The following SOWAHA variants were observed in gnomAD, a reference collection of about 807,000 sequenced individuals.
The protein encoded by SOWAHA is sosondowah ankyrin repeat domain family member A, also known as ankyrin repeat domain-containing protein SOWAHA.
SOWAHA carries 17 observed loss-of-function variants against 21.1 expected under a neutral mutation model. The observed-to-expected ratio is 0.80, with a 90% confidence interval of 0.55 to 1.21. The LOEUF (loss-of-function observed/expected upper bound fraction) is 1.21, where lower values mean the gene tolerates loss of function less well. Among genes scored for constraint, SOWAHA ranks in the 50% most tolerant of loss-of-function variants. The probability of loss-of-function intolerance (pLI) is 0.00; values close to 1 mark genes in which losing one functional copy is unlikely to be tolerated. For missense variants in SOWAHA, 862 were observed against 816.0 expected (o/e 1.06, Z -0.69); for synonymous variants, 422 against 397.1 (o/e 1.06, Z -0.75).
In SOWAHA at chr5:132,813,881, A is replaced by G; in HGVS notation, c.260A>G (p.Glu87Gly). The change falls in exon 1 of 1, where the codon GAG (glutamate) becomes GGG (glycine). Residue 87 changes from glutamate (E) to glycine (G), a missense_variant. Physicochemically the swap from Glu to Gly is moderately conservative, Grantham distance 98. Transcript: ENST00000378693. The stretch of plus-strand genomic sequence containing the variant: ...CTGAGGAAGAAGCCCCGGCCCCCGG[A>G]GCCCGAGCCCGCACCCTTCGGCCCC... ...VVLRKKPRPP[E>G]PEPAPFGPPG... 6.5e-7 allele frequency: 1 copy of G among 1,547,988 alleles called. No individual in the cohort carries two copies. The highest frequency in any genetic ancestry group is 8.7e-7 in the Non-Finnish European group (1 of 1,145,958).
At position 132,816,410 on chromosome 5, in the gene SOWAHA, A is replaced by G. The variant is rs1758385727; in HGVS notation, c.*1139A>G. On this transcript the variant is annotated 3_prime_UTR_variant, in exon 1 of 1. Coordinates refer to ENST00000378693, the MANE Select transcript of SOWAHA (RefSeq NM_175873.6). ...TTGAAAGTAGACAACTTATTCCAAA[A>G]TAGCAAATGCAGAATCTCTGCTCAG... The G allele has an allele frequency of 6.0e-6, 1 of 167,134 alleles. No individual in the cohort carries two copies. The highest frequency in any genetic ancestry group is 2.4e-5 in the African/African-American group (1 of 41,480). The allele number at this position is 167,134 out of a possible 1,614,324, so 10.4% of individuals were successfully genotyped here.
chr5:132,814,746 A>C lies in SOWAHA; in HGVS notation c.1125A>C (p.Pro375=). 1 of 1,527,876 alleles carries C rather than the reference A, an allele frequency of 6.5e-7. No homozygotes were observed. The highest frequency in any genetic ancestry group is 8.8e-7 in the Non-Finnish European group (1 of 1,142,340). 94.6% of individuals were successfully genotyped at this position (1,527,876 alleles called of 1,614,324 possible). Residue 375 remains proline, a synonymous_variant, in exon 1 of 1, where the codon CCA becomes CCC. Coordinates refer to ENST00000378693, the MANE Select transcript of SOWAHA (RefSeq NM_175873.6). The stretch of plus-strand genomic sequence containing the variant: ...AGGTCGCGCGGCGCAGTGGCGCACC[A>C]GTCGACGTGAACGCACGCTCCCACG... ...LVEVARRSGA[P]VDVNARSHGG...
At position 132,815,375 on chromosome 5, in the gene SOWAHA, T is replaced by C; in HGVS notation, c.*104T>C. The C allele has an allele frequency of 9.1e-7, 1 of 1,103,110 alleles. No homozygotes were observed. Among genetic ancestry groups the C allele is most frequent in the Non-Finnish European group, 1.3e-6 (1 of 778,854 alleles). 68.3% of individuals were successfully genotyped at this position (1,103,110 alleles called of 1,614,324 possible). ...ATCAACGCCTGGAGCCTCATTCTGTTTCCAGCTTTGTCCAGGGCAGCCTGT... is the reference window on the plus strand; with the variant it reads ...ATCAACGCCTGGAGCCTCATTCTGTCTCCAGCTTTGTCCAGGGCAGCCTGT... On this transcript the variant is annotated 3_prime_UTR_variant, in exon 1 of 1. Transcript: ENST00000378693.
Position 132,813,683 on chromosome 5 carries a change from G to A in SOWAHA, c.62G>A (p.Gly21Asp). Residue 21 changes from glycine to aspartate, a missense_variant, in exon 1 of 1, where the codon GGC becomes GAC. Gly to Asp is a moderately conservative substitution (Grantham distance 94, BLOSUM62 -1). Coordinates refer to ENST00000378693, the MANE Select transcript of SOWAHA (RefSeq NM_175873.6). The part of the protein sequence containing the change: ...AAGVSQAAVL[G>D]FLQEHGGKVR... ...GGGGTGAGCCAGGCGGCGGTGCTGG[G>A]CTTCCTGCAGGAGCACGGCGGGAAG... 20 of 1,520,546 alleles carry A rather than the reference G, an allele frequency of 1.3e-5. No homozygotes were observed. The highest frequency in any genetic ancestry group is 1.8e-5 in the Non-Finnish European group (20 of 1,134,866). 94.2% of individuals were successfully genotyped at this position (1,520,546 alleles called of 1,614,324 possible).
chr5:132,814,850 C>T lies in SOWAHA; in HGVS notation c.1229C>T (p.Ala410Val). The T allele has an allele frequency of 6.6e-7, 1 of 1,517,376 alleles. No homozygotes were observed. The highest frequency in any genetic ancestry group is 1.4e-5 in the African/African-American group (1 of 72,804). The allele number at this position is 1,517,376 out of a possible 1,614,324, so 94.0% of individuals were successfully genotyped here. The stretch of plus-strand genomic sequence containing the variant: ...GTGCTGCTGGTGGTGCGTCTGGGTG[C>T]CCAGGTGCACGTGCGTGATCACAGC... ...AAVLLVVRLG[A>V]QVHVRDHSGR... The change falls in exon 1 of 1, where the codon GCC becomes GTC. Residue 410 changes from alanine to valine, a missense_variant. Coordinates refer to ENST00000378693, the MANE Select transcript of SOWAHA (RefSeq NM_175873.6).
rs200727449 is a variant in SOWAHA at position 132,814,901 on chromosome 5, G to T, written c.1280G>T (p.Arg427Leu). 3.5e-5 allele frequency: 54 copies of T among 1,542,884 alleles called. 1 individual carries two copies. In the African/African-American group the frequency reaches 6.7e-4, roughly 19 times the overall value. Residue 427 changes from arginine (R) to leucine (L), a missense_variant, in exon 1 of 1, where the codon CGG (arginine) becomes CTG (leucine). Transcript: ENST00000378693. ...GGGCGTCGCGCCTACCAGTACCTGC[G>T]GCCCGGCTCCTCGTACGCGCTGCGC... ...HSGRRAYQYL[R>L]PGSSYALRRL...
chr5:132,815,030 C>T lies in SOWAHA; in HGVS notation c.1409C>T (p.Thr470Ile). ...AGGCGCCCCGTACAGGTGGCCGCCA[C>T]CATCCTCAGTTCCACCACCAGTGCA... is the stretch of plus-strand genomic sequence containing the variant. Reference protein sequence around the residue: ...AARRPVQVAATILSSTTSAFL... With the variant: ...AARRPVQVAAIILSSTTSAFL... Residue 470 changes from threonine (T) to isoleucine (I), a missense_variant, in exon 1 of 1, where the codon ACC (threonine) becomes ATC (isoleucine). By Grantham distance (89) the Thr-to-Ile change is moderately conservative. Transcript: ENST00000378693. 2 of 1,605,668 alleles carry T rather than the reference C, an allele frequency of 1.2e-6. No individual in the cohort carries two copies. Among genetic ancestry groups the T allele is most frequent in the Non-Finnish European group, 1.7e-6 (2 of 1,175,762 alleles).
rs1758364427 is a variant in SOWAHA at position 132,814,879 on chromosome 5, C to T, written c.1258C>T (p.Arg420Cys). ...AQVHVRDHSG[R>C]RAYQYLRPGS... ...GGTGCACGTGCGTGATCACAGCGGG[C>T]GTCGCGCCTACCAGTACCTGCGGCC... Residue 420 changes from arginine (R) to cysteine (C), a missense_variant, in exon 1 of 1, where the codon CGT (arginine) becomes TGT (cysteine). Transcript: ENST00000378693. 7 of 1,535,348 alleles carry T rather than the reference C, an allele frequency of 4.6e-6. No individual in the cohort carries two copies. Among genetic ancestry groups the T allele is most frequent in the Non-Finnish European group, 6.1e-6 (7 of 1,140,616 alleles).
At position 132,814,041 on chromosome 5, in the gene SOWAHA, G is replaced by A. The variant is rs1758340669; in HGVS notation, c.420G>A (p.Glu140=). Residue 140 remains glutamate, a synonymous_variant, in exon 1 of 1, where the codon GAG becomes GAA. Transcript: ENST00000378693. ...EPPGDLGLPT[E]PQDTPGGPAS... ...CAGGGGACCTGGGTCTGCCAACAGA[G>A]CCACAGGACACCCCGGGGGGGCCGG... is the stretch of plus-strand genomic sequence containing the variant. The A allele has an allele frequency of 2.6e-6, 4 of 1,556,548 alleles. No homozygotes were observed. The East Asian group carries it at 9.5e-5, about 37-fold the overall frequency.
At position 132,815,378 on chromosome 5, in the gene SOWAHA, C is replaced by T. The variant is rs1168103212; in HGVS notation, c.*107C>T. On this transcript the variant is annotated 3_prime_UTR_variant, in exon 1 of 1. Transcript: ENST00000378693. Reference sequence around the variant, plus strand: ...AACGCCTGGAGCCTCATTCTGTTTCCAGCTTTGTCCAGGGCAGCCTGTTTT... The same window carrying T: ...AACGCCTGGAGCCTCATTCTGTTTCTAGCTTTGTCCAGGGCAGCCTGTTTT... 1 of 1,055,542 alleles carries T rather than the reference C, an allele frequency of 9.5e-7. No homozygotes were observed. The allele number at this position is 1,055,542 out of a possible 1,614,324, so 65.4% of individuals were successfully genotyped here. A position where few individuals can be genotyped will look rare whatever the true frequency, so the allele number is the denominator to read the frequency against.
In SOWAHA at chr5:132,815,117, C is replaced by T. The variant is rs896178125; in HGVS notation, c.1496C>T (p.Ser499Leu). The change falls in exon 1 of 1, where the codon TCG (serine) becomes TTG (leucine). Residue 499 changes from serine (S) to leucine (L), a missense_variant. Ser to Leu is a moderately radical substitution (Grantham distance 145, BLOSUM62 -2). Coordinates refer to ENST00000378693, the MANE Select transcript of SOWAHA (RefSeq NM_175873.6). ...GACCTGGCCCGAGGCTTGAAGAAGT[C>T]GAGCTCCTTCAGCAAGTTCTTGAGC... is the stretch of plus-strand genomic sequence containing the variant. ...LQDLARGLKK[S>L]SSFSKFLSAS... is the part of the protein sequence containing the mutation. 6.2e-7 allele frequency: 1 copy of T among 1,614,010 alleles called. No individual in the cohort carries two copies. The highest frequency in any genetic ancestry group is 8.5e-7 in the Non-Finnish European group (1 of 1,180,014).
Position 132,813,636 on chromosome 5 carries a change from C to CGCCGCCGCG in SOWAHA, c.23_24insGGCCGCCGC (p.Ala10_Ala12dup). On this transcript the variant is annotated inframe_insertion, in exon 1 of 1. Coordinates refer to ENST00000378693, the MANE Select transcript of SOWAHA (RefSeq NM_175873.6). ...AGGGCCCCACCATGGCGCTGGCCGCCGCCGCCGCCGCTGCGGCTGCCGGGG... is the reference window on the plus strand; with the variant it reads ...AGGGCCCCACCATGGCGCTGGCCGCCGCCGCCGCGGCCGCCGCCGCTGCGGCTGCCGGGG... 1 of 1,370,656 alleles carries CGCCGCCGCG rather than the reference C, an allele frequency of 7.3e-7. No individual in the cohort carries two copies. 84.9% of individuals were successfully genotyped at this position (1,370,656 alleles called of 1,614,324 possible). A position where few individuals can be genotyped will look rare whatever the true frequency, so the allele number is the denominator to read the frequency against.
Position 132,813,712 on chromosome 5 carries a change from C to T in SOWAHA, c.91C>T (p.Arg31Cys). The T allele has an allele frequency of 1.3e-6, 2 of 1,541,214 alleles. No individual in the cohort carries two copies. ...GFLQEHGGKV[R>C]NSELLSRFKP... Reference sequence around the variant, plus strand: ...CCTGCAGGAGCACGGCGGGAAGGTGCGCAACTCCGAGCTGCTGAGCCGCTT... The same window carrying T: ...CCTGCAGGAGCACGGCGGGAAGGTGTGCAACTCCGAGCTGCTGAGCCGCTT... Residue 31 changes from arginine (R) to cysteine (C), a missense_variant, in exon 1 of 1, where the codon CGC becomes TGC. Arg to Cys is a radical substitution (Grantham distance 180). Transcript: ENST00000378693.
rs1758379116 is a variant in SOWAHA, at chr5:132,815,756, C to T, written c.*485C>T. On this transcript the variant is annotated 3_prime_UTR_variant, in exon 1 of 1. Coordinates refer to ENST00000378693, the MANE Select transcript of SOWAHA (RefSeq NM_175873.6). ...TGAGGTAATGCAACTTTCGTAATAACCTTTTGGAATTATATTTTTCCACTT... is the reference window on the plus strand; with the variant it reads ...TGAGGTAATGCAACTTTCGTAATAATCTTTTGGAATTATATTTTTCCACTT... 6.0e-6 allele frequency: 1 copy of T among 167,234 alleles called. No individual in the cohort carries two copies. The highest frequency in any genetic ancestry group is 2.4e-5 in the African/African-American group (1 of 41,432). 10.4% of individuals were successfully genotyped at this position (167,234 alleles called of 1,614,324 possible).
chr5:132,813,388 G>C lies in SOWAHA; in HGVS notation c.-234G>C, dbSNP rs1332547515. ...GCAGAAACCTACCCCGAAGGCCGGG[G>C]CCCGGCGGGGCGCTGGGGGTGGGCG... On this transcript the variant is annotated 5_prime_UTR_variant, in exon 1 of 1. Transcript: ENST00000378693. 1.3e-5 allele frequency among the ~76,000 whole-genome samples: 2 copies of C among 151,764 alleles called. No individual in the cohort carries two copies. The highest frequency in any genetic ancestry group is 3.9e-4 in the East Asian group (2 of 5,174).
In SOWAHA at chr5:132,814,282, G is replaced by C; in HGVS notation, c.661G>C (p.Val221Leu). 1.3e-6 allele frequency: 2 copies of C among 1,505,444 alleles called. No homozygotes were observed. Among genetic ancestry groups the C allele is most frequent in the Non-Finnish European group, 1.8e-6 (2 of 1,134,832 alleles). The allele number at this position is 1,505,444 out of a possible 1,614,324, so 93.3% of individuals were successfully genotyped here. A position where few individuals can be genotyped will look rare whatever the true frequency, so the allele number is the denominator to read the frequency against. ...PPQQKPCMLP[V>L]RCVPAPATLR... ...GCAGCAGAAGCCCTGTATGCTGCCG[G>C]TGCGCTGCGTCCCGGCCCCCGCCAC... The change falls in exon 1 of 1, where the codon GTG becomes CTG. Residue 221 changes from valine (V) to leucine (L), a missense_variant. By Grantham distance (32) the Val-to-Leu change is conservative. Coordinates refer to ENST00000378693, the MANE Select transcript of SOWAHA (RefSeq NM_175873.6).
Position 132,814,291 on chromosome 5 carries a change from G to A in SOWAHA, c.670G>A (p.Val224Ile), listed in dbSNP as rs1289780494. ...QKPCMLPVRC[V>I]PAPATLRLRA... ...GCCCTGTATGCTGCCGGTGCGCTGC[G>A]TCCCGGCCCCCGCCACGCTCCGCCT... The change falls in exon 1 of 1, where the codon GTC becomes ATC. Residue 224 changes from valine to isoleucine, a missense_variant. Coordinates refer to ENST00000378693, the MANE Select transcript of SOWAHA (RefSeq NM_175873.6). The A allele has an allele frequency of 4.0e-6, 6 of 1,496,102 alleles. No homozygotes were observed. Among genetic ancestry groups the A allele is most frequent in the Non-Finnish European group, 5.3e-6 (6 of 1,131,234 alleles). 92.7% of individuals were successfully genotyped at this position (1,496,102 alleles called of 1,614,324 possible).
At position 132,814,665 on chromosome 5, in the gene SOWAHA, G is replaced by T; in HGVS notation, c.1044G>T (p.Thr348=). The part of the protein sequence containing the change: ...AAKRDFMSGF[T]ALHWAAKSGD... ...AGCGCGACTTCATGTCTGGCTTCAC[G>T]GCCCTGCATTGGGCCGCCAAGAGCG... The change falls in exon 1 of 1, where the codon ACG becomes ACT. Residue 348 remains threonine, a synonymous_variant. Coordinates refer to ENST00000378693, the MANE Select transcript of SOWAHA (RefSeq NM_175873.6). 2 of 1,523,408 alleles carry T rather than the reference G, an allele frequency of 1.3e-6. No homozygotes were observed. Among genetic ancestry groups the T allele is most frequent in the Non-Finnish European group, 1.8e-6 (2 of 1,141,472 alleles). 94.4% of individuals were successfully genotyped at this position (1,523,408 alleles called of 1,614,324 possible).
Position 132,814,425 on chromosome 5 carries a change from C to T in SOWAHA, c.804C>T (p.Leu268=), listed in dbSNP as rs1247283242. The T allele has an allele frequency of 6.8e-7, 1 of 1,479,202 alleles. No homozygotes were observed. 91.6% of individuals were successfully genotyped at this position (1,479,202 alleles called of 1,614,324 possible). A position where few individuals can be genotyped will look rare whatever the true frequency, so the allele number is the denominator to read the frequency against. Residue 268 remains leucine, a synonymous_variant, in exon 1 of 1, where the codon CTC becomes CTT. Transcript: ENST00000378693. ...CGGTGGAAGAGTCCGGTCTGGGCCTCGGCCTGGGCCCGGGCCGCTCCCCGC... is the reference window on the plus strand; with the variant it reads ...CGGTGGAAGAGTCCGGTCTGGGCCTTGGCCTGGGCCCGGGCCGCTCCCCGC... ...RLSVEESGLG[L]GLGPGRSPHL... is the part of the protein sequence containing the mutation.
Sources: allele counts gnomAD v4.1 joint callset (sites outside exome capture counted in the v4.1 genomes callset), GRCh38; gene constraint gnomAD v4.1.1; transcripts MANE v1.5; gene names NCBI Gene and HGNC (gene_info 2026-07-23, HGNC 2026-07-21).